AMPH: variants seen among roughly 807,000 people sequenced by gnomAD.
AMPH encodes the protein amphiphysin (Stiff-Mann syndrome with breast cancer 128kD autoantigen).
In AMPH, 49 loss-of-function variants were observed where a neutral mutation model predicts 99.1. That is an observed-to-expected ratio of 0.49 (90% CI 0.39 to 0.63). The LOEUF (loss-of-function observed/expected upper bound fraction) is 0.63, where lower values mean the gene tolerates loss of function less well. Among genes scored for constraint, AMPH ranks in the 20% least tolerant of loss-of-function variants. The pLI, the probability that AMPH is intolerant of heterozygous loss-of-function variation, is 0.00. For synonymous variants in AMPH, 314 were observed against 317.3 expected (o/e 0.99, Z 0.11); for missense variants, 759 against 863.4 (o/e 0.88, Z 1.52).
At chr7:38,538,855 A>G (rs1444538509) in intron 1 of AMPH, among the ~76,000 whole-genome samples, 1 of 152,214 alleles carries the variant, frequency 6.6e-6, no homozygotes, top group Non-Finnish European at 1.5e-5. Context: ...CATTTTGGAC[A>G]TGCAGGGTTT....
chr7:38,469,661 A>G (rs1584133546), intron 7 of AMPH, among the ~76,000 whole-genome samples: 1 of 152,056 alleles, frequency 6.6e-6, no homozygotes, highest in Non-Finnish European at 1.5e-5. Flanking sequence ...CTTAATATCA[A>G]CCTCTCAGCA....
At chr7:38,453,215 A>G (rs1018371313) in intron 11 of AMPH, among the ~76,000 whole-genome samples, 3 of 152,188 alleles carry the variant, frequency 2.0e-5, no homozygotes, top group Middle Eastern at 3.2e-3. Flanking sequence ...GCACTCCTAT[A>G]ATGTCTCTGG....
At chr7:38,385,398 A>G (rs1283267302) in intron 20 of AMPH, among the ~76,000 whole-genome samples, 1 of 152,144 alleles carries the variant, frequency 6.6e-6, no homozygotes, top group Non-Finnish European at 1.5e-5. Context: ...AGGCCATGGA[A>G]TATCTTATAT....
chr7:38,566,762 T>C (rs1196410994), intron 1 of AMPH, among the ~76,000 whole-genome samples: 2 of 152,180 alleles, frequency 1.3e-5, no homozygotes, highest in Non-Finnish European at 2.9e-5. Context: ...AGAAGACATT[T>C]ATGCAGCCAA....
intron 14 of AMPH, chr7:38,429,099 T>G: frequency 7.8e-6 from 10 of 1,290,288 alleles, no homozygotes; most frequent in Admixed American, 2.3e-5. Flanking sequence ...ATCTTCCATC[T>G]TCTGTTTCTC....
chr7:38,564,719 GCCTCTGTTC>G (rs1791668993), intron 1 of AMPH, among the ~76,000 whole-genome samples: 1 of 152,144 alleles, frequency 6.6e-6, no homozygotes, highest in Non-Finnish European at 1.5e-5. Flanking sequence ...TTAATATACT[GCCTCTGTTC>G]TCAGGCATCC....
intron 14 of AMPH, chr7:38,428,863 C>T (rs2267808): frequency 0.84 from 460,661 of 548,926 alleles, 195,043 homozygotes; most frequent in Non-Finnish European, 0.88. Context: ...TTTTCATTGG[C>T]GTTTGTACTT....
chr7:38,568,460 G>A (rs148067179), intron 1 of AMPH, among the ~76,000 whole-genome samples: 46 of 151,986 alleles, frequency 3.0e-4, no homozygotes, highest in African/African-American at 8.4e-4. Flanking sequence ...GCGAGACTCC[G>A]TCTCCAAAAA....
chr7:38,486,419 A>G (rs1180336726), intron 5 of AMPH, among the ~76,000 whole-genome samples: 1 of 152,002 alleles, frequency 6.6e-6, no homozygotes, highest in Non-Finnish European at 1.5e-5. Flanking sequence ...ATCTTTAAGT[A>G]GTAAGGAGAT....
Position 38,384,591 on chromosome 7 carries a change from A to G in AMPH, c.*227T>C. The G allele has an allele frequency of 2.2e-6, 1 of 446,498 alleles. No homozygotes were observed. 27.7% of individuals were successfully genotyped at this position (446,498 alleles called of 1,614,324 possible). A position where few individuals can be genotyped will look rare whatever the true frequency, so the allele number is the denominator to read the frequency against. On this transcript the variant is annotated 3_prime_UTR_variant, in exon 21 of 21. Coordinates refer to ENST00000356264, the MANE Select transcript of AMPH (RefSeq NM_001635.4). ...TCTCCACAGCTTGGACAAAGCACAAACAAACCTGTTATTGACAACATGGGA... is the reference window on the plus strand; with the variant it reads ...TCTCCACAGCTTGGACAAAGCACAAGCAAACCTGTTATTGACAACATGGGA...
intron 2 of AMPH, among the ~76,000 whole-genome samples, chr7:38,507,445 A>C (rs1191577785): frequency 2.6e-5 from 4 of 152,214 alleles, no homozygotes; most frequent in African/African-American, 4.8e-5. Flanking sequence ...TACCTTAATC[A>C]AAAAGGTAAA....
chr7:38,509,662 T>C (rs1031425025), intron 2 of AMPH, among the ~76,000 whole-genome samples: 1 of 152,190 alleles, frequency 6.6e-6, no homozygotes, highest in Non-Finnish European at 1.5e-5. Context: ...TTTTTCTCTC[T>C]GTGTGTGAGG....
Position 38,391,813 on chromosome 7 carries a change from C to T in AMPH, c.1813G>A (p.Ala605Thr). ...QPTPSAPAMG[A>T]ADQLASAREA... Reference sequence around the variant, plus strand: ...CTTGCAGATGCTAGCTGGTCAGCAGCCCCCATGGCTGGTGCAGAAGGCGTG... The same window carrying T: ...CTTGCAGATGCTAGCTGGTCAGCAGTCCCCATGGCTGGTGCAGAAGGCGTG... Residue 605 changes from alanine (A) to threonine (T), a missense_variant, in exon 19 of 21, where the codon GCT becomes ACT. Ala to Thr is a moderately conservative substitution (Grantham distance 58). Around this residue, in one of 2 missense-constraint regions of AMPH, gnomAD observed 554 missense variants for 575.6 expected, o/e 0.96. Transcript: ENST00000356264. 1 of 1,613,890 alleles carries T rather than the reference C, an allele frequency of 6.2e-7. No homozygotes were observed. Among genetic ancestry groups the T allele is most frequent in the Non-Finnish European group, 8.5e-7 (1 of 1,179,998 alleles).
intron 1 of AMPH, among the ~76,000 whole-genome samples, chr7:38,592,410 G>T (rs1360680586): frequency 1.3e-5 from 2 of 152,074 alleles, no homozygotes; most frequent in African/African-American, 2.4e-5. Context: ...AAAAAGAAAT[G>T]ACCTTGGGTC....
chr7:38,574,781 C>T (rs112115667), intron 1 of AMPH, among the ~76,000 whole-genome samples: 9,684 of 152,024 alleles, frequency 0.064, 355 homozygotes, highest in East Asian at 0.11. Flanking sequence ...TAAGGCCAGG[C>T]GCCGTGGCTC....
intron 1 of AMPH, among the ~76,000 whole-genome samples, chr7:38,602,708 A>C (rs886530026): frequency 6.6e-6 from 1 of 152,212 alleles, no homozygotes; most frequent in Non-Finnish European, 1.5e-5. Flanking sequence ...AAAATTCCGG[A>C]AATCAGGATG....
At chr7:38,416,266 A>G (rs1391674537) in intron 17 of AMPH, among the ~76,000 whole-genome samples, 2 of 152,004 alleles carry the variant, frequency 1.3e-5, no homozygotes, top group Admixed American at 6.6e-5. Context: ...GAGGTATATG[A>G]ACATGACACT....
chr7:38,461,387 G>A lies in AMPH; in HGVS notation c.913C>T (p.Pro305Ser). 1.2e-6 allele frequency: 2 copies of A among 1,614,170 alleles called. No individual in the cohort carries two copies. Among genetic ancestry groups the A allele is most frequent in the Middle Eastern group, 1.7e-4 (1 of 6,058 alleles). Residue 305 changes from proline (P) to serine (S), a missense_variant, in exon 11 of 21, where the codon CCT becomes TCT. This residue lies in a region of AMPH where 554 missense variants were observed against 575.6 expected (regional missense o/e 0.96). Transcript: ENST00000356264. Reference sequence around the variant, plus strand: ...TTTGTCGGGGTGACTTTAGGTAGAGGTGGGACAGGAGGCCCTTTCCTTGTC... The same window carrying A: ...TTTGTCGGGGTGACTTTAGGTAGAGATGGGACAGGAGGCCCTTTCCTTGTC... ...SQTRKGPPVP[P>S]LPKVTPTKEL...
intron 1 of AMPH, among the ~76,000 whole-genome samples, chr7:38,592,584 A>C (rs1792895308): frequency 6.6e-6 from 1 of 152,086 alleles, no homozygotes; most frequent in Non-Finnish European, 1.5e-5. Context: ...TATAAAAATT[A>C]GCCGGGCATG....
Sources: allele counts gnomAD v4.1 joint callset (sites outside exome capture counted in the v4.1 genomes callset), GRCh38; gene constraint gnomAD v4.1.1; regional missense constraint gnomAD v4.1.1; transcripts MANE v1.5; gene names NCBI Gene and HGNC (gene_info 2026-07-23, HGNC 2026-07-21).